Variants in MEGF8 observed in about 807,000 individuals in gnomAD.
MEGF8 encodes the protein multiple epidermal growth factor-like domains protein 8.
MEGF8 carries 156 observed loss-of-function variants against 302.9 expected under a neutral mutation model. That is an observed-to-expected ratio of 0.52 (90% CI 0.45 to 0.59). The LOEUF (loss-of-function observed/expected upper bound fraction) is 0.59. Among genes scored for constraint, MEGF8 ranks in the 20% least tolerant of loss-of-function variants. The pLI is 0.00. For missense variants in MEGF8, 3,345 were observed against 3,964.5 expected (o/e 0.84, Z 4.20); for synonymous variants, 1,621 against 1,660.5 (o/e 0.98, Z 0.58).
Position 42,351,007 on chromosome 19 carries a change from C to T in MEGF8, c.2737-209C>T. Reference sequence around the variant, plus strand: ...CCACCCGGACCACACAGAAGGGGTGCTATTGCCTAAAGGAGACAGTGGGTG... The same window carrying T: ...CCACCCGGACCACACAGAAGGGGTGTTATTGCCTAAAGGAGACAGTGGGTG... On this transcript the variant is annotated intron_variant, in intron 15 of 41. Coordinates refer to ENST00000251268, the MANE Select transcript of MEGF8 (RefSeq NM_001271938.2). The surrounding 1 kb of genome is among the most constrained non-coding windows in gnomAD (Gnocchi z 5.6). 1.7e-6 allele frequency: 1 copy of T among 591,070 alleles called. No homozygotes were observed. The highest frequency in any genetic ancestry group is 3.2e-5 in the Admixed American group (1 of 31,720). 36.6% of individuals were successfully genotyped at this position (591,070 alleles called of 1,614,324 possible). A position where few individuals can be genotyped will look rare whatever the true frequency, so the allele number is the denominator to read the frequency against.
intron 23 of MEGF8, among the ~76,000 whole-genome samples, chr19:42,355,553 G>A (rs1347765960): frequency 6.6e-6 from 1 of 152,150 alleles, no homozygotes; most frequent in East Asian, 1.9e-4. Context: ...GAGGTAGCTA[G>A]CAGTCGGTGA....
Position 42,326,107 on chromosome 19 carries a change from T to G in MEGF8, c.-137T>G, listed in dbSNP as rs2038980054. 7.5e-7 allele frequency: 1 copy of G among 1,329,554 alleles called. No homozygotes were observed. The highest frequency in any genetic ancestry group is 9.7e-7 in the Non-Finnish European group (1 of 1,032,622). 82.4% of individuals were successfully genotyped at this position (1,329,554 alleles called of 1,614,324 possible). On this transcript the variant is annotated 5_prime_UTR_variant, in exon 1 of 42. Coordinates refer to ENST00000251268, the MANE Select transcript of MEGF8 (RefSeq NM_001271938.2). ...CGTACCCTTCGCCGGGACTGCCGGG[T>G]CTCCGGGACCTCTTCGATCTACAAG...
In MEGF8 at chr19:42,362,556, G is replaced by A. The variant is rs750750960; in HGVS notation, c.6017G>A (p.Arg2006Gln). ...GCTGCTGACTGCGAGCAGTGCACGC[G>A]GGAGGGCAAGTGCATGTGGACGCGG... The part of the protein sequence containing the change: ...CGAADCEQCT[R>Q]EGKCMWTRQF... Residue 2006 changes from arginine (R) to glutamine (Q), a missense_variant, in exon 34 of 42, where the codon CGG (arginine) becomes CAG (glutamine). Transcript: ENST00000251268. The A allele has an allele frequency of 8.1e-6, 13 of 1,613,358 alleles. No homozygotes were observed. The highest frequency in any genetic ancestry group is 1.6e-4 in the Middle Eastern group (1 of 6,062).
At chr19:42,334,898 C>A in intron 3 of MEGF8, 137 bp from the exon 4 acceptor site, 2 of 842,736 alleles carry the variant, frequency 2.4e-6, no homozygotes, top group Non-Finnish European at 1.8e-6. Flanking sequence ...CATCCTCTCC[C>A]TTCCTGTCTG....
In MEGF8 at chr19:42,348,262, G is replaced by T; in HGVS notation, c.2098-10G>T. The T allele has an allele frequency of 1.3e-6, 2 of 1,535,594 alleles. No homozygotes were observed. The highest frequency in any genetic ancestry group is 1.7e-6 in the Non-Finnish European group (2 of 1,145,524). ...GGGACTCACACATACACCCATCCCTGGTGGCACAGGTCTCAATTGTCCGCA... is the reference window on the plus strand; with the variant it reads ...GGGACTCACACATACACCCATCCCTTGTGGCACAGGTCTCAATTGTCCGCA... On this transcript the variant is annotated splice_polypyrimidine_tract_variant and intron_variant, in intron 12 of 41. Transcript: ENST00000251268.
In MEGF8 at chr19:42,336,288, T is replaced by C; in HGVS notation, c.1186T>C (p.Phe396Leu). ...TGCTGCCACTGGCCACTCCATGGTGTTCCATGCCCCCTCCCGTGCCCTGCT... is the reference window on the plus strand; with the variant it reads ...TGCTGCCACTGGCCACTCCATGGTGCTCCATGCCCCCTCCCGTGCCCTGCT... ...PPAATGHSMVFHAPSRALLVH... is the reference protein window; with the variant it reads ...PPAATGHSMVLHAPSRALLVH... The change falls in exon 6 of 42, where the codon TTC becomes CTC. Residue 396 changes from phenylalanine (F) to leucine (L), a missense_variant. Phe to Leu is a conservative substitution (Grantham distance 22). Coordinates refer to ENST00000251268, the MANE Select transcript of MEGF8 (RefSeq NM_001271938.2). This position sits in a 1 kb window ranked among gnomAD's most constrained non-coding sequence, Gnocchi z 4.8. 1 of 1,608,222 alleles carries C rather than the reference T, an allele frequency of 6.2e-7. No individual in the cohort carries two copies. The highest frequency in any genetic ancestry group is 8.5e-7 in the Non-Finnish European group (1 of 1,179,638).
At chr19:42,345,061 T>G (rs984943113) in intron 12 of MEGF8, among the ~76,000 whole-genome samples, 1 of 152,178 alleles carries the variant, frequency 6.6e-6, no homozygotes, top group African/African-American at 2.4e-5. Flanking sequence ...AACCTCTGCC[T>G]CCTGGGTTCA....
At position 42,344,529 on chromosome 19, in the gene MEGF8, G is replaced by A. The variant is rs773886995; in HGVS notation, c.1877G>A (p.Arg626Gln). 152 of 1,599,926 alleles carry A rather than the reference G, an allele frequency of 9.5e-5. No individual in the cohort carries two copies. Among genetic ancestry groups the A allele is most frequent in the Admixed American group, 4.5e-4 (27 of 59,842 alleles). ...TTCAGCAGCCCCACAGCCCCTCCAC[G>A]GGGACCTGGCACCCTGGGCTGGTGC... is the stretch of plus-strand genomic sequence containing the variant. ...LAFSSPTAPP[R>Q]GPGTLGWCVH... Residue 626 changes from arginine to glutamine, a missense_variant, in exon 11 of 42, where the codon CGG becomes CAG. Physicochemically the swap from Arg to Gln is conservative, Grantham distance 43. Coordinates refer to ENST00000251268, the MANE Select transcript of MEGF8 (RefSeq NM_001271938.2). The surrounding 1 kb of genome is among the most constrained non-coding windows in gnomAD (Gnocchi z 4.5).
Position 42,344,962 on chromosome 19 carries a change from C to CAT in MEGF8, c.2097+129_2097+130insAT. 9.7e-7 allele frequency: 1 copy of CAT among 1,034,722 alleles called. No homozygotes were observed. Among genetic ancestry groups the CAT allele is most frequent in the Non-Finnish European group, 1.3e-6 (1 of 767,248 alleles). 64.1% of individuals were successfully genotyped at this position (1,034,722 alleles called of 1,614,324 possible). On this transcript the variant is annotated intron_variant, in intron 12 of 41. Coordinates refer to ENST00000251268, the MANE Select transcript of MEGF8 (RefSeq NM_001271938.2). This position sits in a 1 kb window ranked among gnomAD's most constrained non-coding sequence, Gnocchi z 4.5. ...CTTTACATTCAAGGGTCTTATTTTCCTTATGGACTTTATTTTTTATTTTTT... is the reference window on the plus strand; with the variant it reads ...CTTTACATTCAAGGGTCTTATTTTCCATTTATGGACTTTATTTTTTATTTTTT...
rs986198313 is a variant in MEGF8 at position 42,368,043 on chromosome 19, C to G, written c.6274-412C>G. On this transcript the variant is annotated intron_variant, in intron 35 of 41. Coordinates refer to ENST00000251268, the MANE Select transcript of MEGF8 (RefSeq NM_001271938.2). This position sits in a 1 kb window ranked among gnomAD's most constrained non-coding sequence, Gnocchi z 4.9. The stretch of plus-strand genomic sequence containing the variant: ...CTCAAAAAATCCTACCTCAGCCCCC[C>G]AGGTAGCTGGGTCTACAGATGTGTG... Among the ~76,000 whole-genome samples the G allele has an allele frequency of 2.2e-4, 33 of 152,146 alleles. 1 individual carries two copies. Among genetic ancestry groups the G allele is most frequent in the African/African-American group, 7.7e-4 (32 of 41,418 alleles).
At chr19:42,363,661 C>A (rs184385111) in intron 35 of MEGF8, among the ~76,000 whole-genome samples, 6 of 152,304 alleles carry the variant, frequency 3.9e-5, no homozygotes, top group Non-Finnish European at 1.5e-5. Context: ...CCTCCCAAAC[C>A]TTTTCTGCTT....
intron 9 of MEGF8, 81 bp from the exon 10 acceptor site, chr19:42,343,873 G>A: frequency 1.3e-6 from 2 of 1,533,492 alleles, no homozygotes; most frequent in Non-Finnish European, 1.8e-6. Flanking sequence ...AGCAAGCGGG[G>A]ACTTGGGAGG....
rs578098855 is a variant in MEGF8, at chr19:42,353,668, G to T, written c.3754G>T (p.Asp1252Tyr). Reference sequence around the variant, plus strand: ...GCTCTGCTCCCCAGGCTATTATGGGGATCCCCGGTGAGCCAACGGGCCAGC... The same window carrying T: ...GCTCTGCTCCCCAGGCTATTATGGGTATCCCCGGTGAGCCAACGGGCCAGC... ...CQLCSPGYYG[D>Y]PRAGGSCFRE... The change falls in exon 21 of 42, where the codon GAT (aspartate) becomes TAT (tyrosine). Residue 1252 changes from aspartate (D) to tyrosine (Y), a missense_variant. By Grantham distance (160) the Asp-to-Tyr change is radical. Transcript: ENST00000251268. The surrounding 1 kb of genome is among the most constrained non-coding windows in gnomAD (Gnocchi z 6.1). 2 of 1,576,296 alleles carry T rather than the reference G, an allele frequency of 1.3e-6. No homozygotes were observed. Among genetic ancestry groups the T allele is most frequent in the South Asian group, 1.1e-5 (1 of 87,360 alleles).
At position 42,368,213 on chromosome 19, in the gene MEGF8, C is replaced by T. The variant is rs2039634663; in HGVS notation, c.6274-242C>T. Among the ~76,000 whole-genome samples the T allele has an allele frequency of 1.3e-5, 2 of 152,162 alleles. No individual in the cohort carries two copies. Among genetic ancestry groups the T allele is most frequent in the Non-Finnish European group, 2.9e-5 (2 of 68,026 alleles). ...GATTACAGGTGTGAGCCACTGCGGCCAGGCAACCTTCCAGTTTCAAGATCC... is the reference window on the plus strand; with the variant it reads ...GATTACAGGTGTGAGCCACTGCGGCTAGGCAACCTTCCAGTTTCAAGATCC... On this transcript the variant is annotated intron_variant, in intron 35 of 41. Transcript: ENST00000251268. The surrounding 1 kb of genome is among the most constrained non-coding windows in gnomAD (Gnocchi z 4.9).
intron 8 of MEGF8, 139 bp from the exon 9 acceptor site, chr19:42,343,338 G>C (rs2039241220): frequency 1.1e-6 from 1 of 874,316 alleles, no homozygotes; most frequent in Admixed American, 2.9e-5. Context: ...AGGTGGGCTG[G>C]GAGAGTGTCC....
chr19:42,350,138 C>G lies in MEGF8; in HGVS notation c.2500-10C>G. ...CCTTGACTGCTGCCTTCCTGTGACC[C>G]CTTCCCCAGGAGATCTCCTTCTTCT... On this transcript the variant is annotated splice_polypyrimidine_tract_variant and intron_variant, in intron 14 of 41. Coordinates refer to ENST00000251268, the MANE Select transcript of MEGF8 (RefSeq NM_001271938.2). 6.2e-7 allele frequency: 1 copy of G among 1,600,658 alleles called. No individual in the cohort carries two copies. The highest frequency in any genetic ancestry group is 8.6e-7 in the Non-Finnish European group (1 of 1,169,414).
chr19:42,372,076 C>CAACAA (rs2039701345), intron 41 of MEGF8, among the ~76,000 whole-genome samples: 1 of 111,446 alleles, frequency 9.0e-6, no homozygotes, highest in African/African-American at 3.8e-5. Context: ...CAACAACAAA[C>CAACAA]ACACACACAC....
At chr19:42,326,666 C>T (rs1233679660) in intron 1 of MEGF8, among the ~76,000 whole-genome samples, 1 of 151,952 alleles carries the variant, frequency 6.6e-6, no homozygotes. Flanking sequence ...AGTGCCGGGC[C>T]TTCTGAGTAA....
At chr19:42,342,231 G>A (rs2039224775) in intron 8 of MEGF8, among the ~76,000 whole-genome samples, 1 of 152,236 alleles carries the variant, frequency 6.6e-6, no homozygotes, top group African/African-American at 2.4e-5. Flanking sequence ...CACGTTTACA[G>A]TGCACGCAGG....
Sources: gnomAD v4.1 joint callset for allele counts (sites outside exome capture counted in the v4.1 genomes callset) on GRCh38, gnomAD v4.1.1 for gene constraint, Gnocchi (gnomAD v3.1) non-coding constraint, MANE v1.5 for transcripts, NCBI Gene and HGNC (gene_info 2026-07-23, HGNC 2026-07-21) for gene names.